The following WWOX variants were observed in gnomAD, a reference collection of about 807,000 sequenced individuals.
WWOX encodes WW domain-containing oxidoreductase.
A neutral mutation model predicts 46.2 loss-of-function variants in WWOX; 69 were observed. That is an observed-to-expected ratio of 1.49 (90% CI 1.23 to 1.82). The LOEUF is 1.82. WWOX is among the 40% of genes most tolerant of loss of function. The probability of loss-of-function intolerance (pLI) is 0.00; values close to 1 mark genes in which losing one functional copy is unlikely to be tolerated. For missense variants in WWOX, 919 were observed against 542.6 expected (o/e 1.69, Z -6.89); for synonymous variants, 359 against 202.6 (o/e 1.77, Z -6.56).
intron 8 of WWOX, among the ~76,000 whole-genome samples, chr16:78,495,366 C>G (rs1300274864): frequency 2.0e-5 from 3 of 151,922 alleles, no homozygotes; most frequent in South Asian, 4.2e-4. Context: ...GTCTCGAACT[C>G]TTGACCTCAG....
chr16:78,144,490 C>T (rs79776112), intron 4 of WWOX, among the ~76,000 whole-genome samples: 32 of 7,124 alleles, frequency 4.5e-3, no homozygotes, highest in African/African-American at 7.2e-3. Context: ...TATATATACA[C>T]ACACACACAC....
At chr16:78,441,192 G>A (rs369646702) in intron 8 of WWOX, among the ~76,000 whole-genome samples, 99 of 152,244 alleles carry the variant, frequency 6.5e-4, no homozygotes, top group Middle Eastern at 3.4e-3. Context: ...AAAGTGCTGG[G>A]ATTACAGATG....
At chr16:78,148,056 A>G (rs145021321) in intron 4 of WWOX, among the ~76,000 whole-genome samples, 3 of 152,256 alleles carry the variant, frequency 2.0e-5, no homozygotes, top group Admixed American at 6.5e-5. Flanking sequence ...GGTGAAAGGA[A>G]ATCCTGTACC....
intron 6 of WWOX, among the ~76,000 whole-genome samples, chr16:78,393,976 C>A (rs1444851136): frequency 6.6e-6 from 1 of 152,102 alleles, no homozygotes; most frequent in Non-Finnish European, 1.5e-5. Context: ...GAACTTGAAT[C>A]TACTAATCCC....
intron 8 of WWOX, among the ~76,000 whole-genome samples, chr16:78,776,371 G>A (rs905020416): frequency 6.6e-6 from 1 of 152,106 alleles, no homozygotes; most frequent in African/African-American, 2.4e-5. Context: ...TCCTGCCTCT[G>A]TGACACTTGC....
At chr16:78,781,205 T>A (rs1340122571) in intron 8 of WWOX, among the ~76,000 whole-genome samples, 1 of 152,192 alleles carries the variant, frequency 6.6e-6, no homozygotes, top group Non-Finnish European at 1.5e-5. Context: ...CCTGGCTTGT[T>A]CCAAAGCCTA....
chr16:78,776,816 A>G lies in WWOX; in HGVS notation c.1056+344064A>G, dbSNP rs146333023. 2.3e-3 allele frequency among the ~76,000 whole-genome samples: 351 copies of G among 152,260 alleles called. 2 individuals are homozygous for G. The highest frequency in any genetic ancestry group is 8.2e-3 in the African/African-American group (343 of 41,576). ...GAGAGAAAGAGGGAGGGAGGAAACC[A>G]CCACATATAAAACCATCAGATCGCG... On this transcript the variant is annotated intron_variant, in intron 8 of 8. Transcript: ENST00000566780.
In WWOX at chr16:78,728,055, C is replaced by CTTCCTTTT. The variant is rs1555524549; in HGVS notation, c.1056+295305_1056+295306insCCTTTTTT. ...TTCCTCTTTCCTCTCTCCCTCCTTC[C>CTTCCTTTT]TTTTTTTTTTTTTTTTTTTTTTTTT... On this transcript the variant is annotated intron_variant, in intron 8 of 8. Transcript: ENST00000566780. Among the ~76,000 whole-genome samples, 111 of 86,778 alleles carry CTTCCTTTT rather than the reference C, an allele frequency of 1.3e-3. 13 individuals are homozygous for CTTCCTTTT. The highest frequency in any genetic ancestry group is 1.7e-3 in the Non-Finnish European group (79 of 47,020). The allele number at this position is 86,778 out of a possible 152,430, so 56.9% of individuals were successfully genotyped here.
chr16:79,148,994 T>G (rs1405725735), intron 8 of WWOX, among the ~76,000 whole-genome samples: 1 of 152,186 alleles, frequency 6.6e-6, no homozygotes, highest in Non-Finnish European at 1.5e-5. Context: ...AAATAGAGAA[T>G]TTTATTTCTT....
Position 78,322,277 on chromosome 16 carries a change from T to G in WWOX, c.517-64583T>G, listed in dbSNP as rs74029893. ...TGTTTTTAATGTCTTCCAAGCCTTC[T>G]GTGTATTAGCCAGCATTAAGGGGAA... On this transcript the variant is annotated intron_variant, in intron 5 of 8. Coordinates refer to ENST00000566780, the MANE Select transcript of WWOX (RefSeq NM_016373.4). 5.6e-3 allele frequency among the ~76,000 whole-genome samples: 852 copies of G among 152,334 alleles called. 8 individuals are homozygous for G. Among genetic ancestry groups the G allele is most frequent in the African/African-American group, 0.018 (757 of 41,586 alleles).
chr16:79,207,168 G>C (rs1299737506), intron 8 of WWOX, among the ~76,000 whole-genome samples: 1 of 152,204 alleles, frequency 6.6e-6, no homozygotes, highest in Non-Finnish European at 1.5e-5. Flanking sequence ...CACCGCAGCA[G>C]CTCTCTGATA....
chr16:79,165,771 T>G (rs937305806), intron 8 of WWOX, among the ~76,000 whole-genome samples: 16 of 152,308 alleles, frequency 1.1e-4, no homozygotes, highest in African/African-American at 3.6e-4. Flanking sequence ...AAAGCATTAC[T>G]TTGTCACAGG....
chr16:79,068,308 T>TG (rs1266763059), intron 8 of WWOX, among the ~76,000 whole-genome samples: 1 of 152,148 alleles, frequency 6.6e-6, no homozygotes, highest in Non-Finnish European at 1.5e-5. Flanking sequence ...GTAACCATCT[T>TG]GGGGGTGAGG....
chr16:78,913,376 T>G (rs148964529), intron 8 of WWOX, among the ~76,000 whole-genome samples: 2 of 151,950 alleles, frequency 1.3e-5, no homozygotes. Context: ...GCCAATGGAC[T>G]GTTGGAAGAC....
chr16:78,573,760 C>T (rs987914001), intron 8 of WWOX, among the ~76,000 whole-genome samples: 5 of 152,162 alleles, frequency 3.3e-5, no homozygotes, highest in African/African-American at 9.7e-5. Flanking sequence ...CTTGCCACAC[C>T]ATCTGCTCAT....
At chr16:78,799,345 T>C (rs898302035) in intron 8 of WWOX, among the ~76,000 whole-genome samples, 10 of 152,188 alleles carry the variant, frequency 6.6e-5, no homozygotes, top group African/African-American at 2.4e-4. Context: ...TTTTAAAAAA[T>C]GTATGGTGTC....
Position 78,260,578 on chromosome 16 carries a change from G to A in WWOX, c.516+96289G>A, listed in dbSNP as rs1435212259. Among the ~76,000 whole-genome samples, 5 of 151,422 alleles carry A rather than the reference G, an allele frequency of 3.3e-5. 1 individual carries two copies. Among genetic ancestry groups the A allele is most frequent in the Admixed American group, 2.6e-4 (4 of 15,242 alleles). The stretch of plus-strand genomic sequence containing the variant: ...ACCTACTTGGGAGGCTGAGGCAGGA[G>A]AATCACTTGAACCTGGGAGGTGGAG... On this transcript the variant is annotated intron_variant, in intron 5 of 8. Transcript: ENST00000566780.
intron 8 of WWOX, among the ~76,000 whole-genome samples, chr16:78,705,909 A>C (rs2048318426): frequency 6.6e-6 from 1 of 152,184 alleles, no homozygotes; most frequent in African/African-American, 2.4e-5. Flanking sequence ...GCTAGATATA[A>C]GCATCTGTTT....
At chr16:78,844,599 C>G (rs145376492) in intron 8 of WWOX, among the ~76,000 whole-genome samples, 22 of 152,026 alleles carry the variant, frequency 1.4e-4, no homozygotes, top group Middle Eastern at 3.4e-3. Flanking sequence ...AGGGAAAGAC[C>G]GCAGAATTCT....
Sources: allele counts gnomAD v4.1 joint callset (sites outside exome capture counted in the v4.1 genomes callset), GRCh38; gene constraint gnomAD v4.1.1; transcripts MANE v1.5; gene names NCBI Gene and HGNC (gene_info 2026-07-23, HGNC 2026-07-21).